The following NRG3 variants were observed in gnomAD, a reference collection of about 807,000 sequenced individuals.
NRG3 encodes the protein pro-neuregulin-3, membrane-bound isoform.
A neutral mutation model predicts 66.9 loss-of-function variants in NRG3; 31 were observed. The ratio of observed to expected loss-of-function variants is 0.46; its 90% CI spans 0.35 to 0.63. The LOEUF is 0.63. Ranked by LOEUF, NRG3 falls within the 20% of genes least tolerant of loss-of-function variation. The pLI, the probability that NRG3 is intolerant of heterozygous loss-of-function variation, is 0.00. For missense variants in NRG3, 910 were observed against 878.9 expected (o/e 1.04, Z -0.45); for synonymous variants, 393 against 359.4 (o/e 1.09, Z -1.06).
intron 4 of NRG3, among the ~76,000 whole-genome samples, chr10:82,908,549 C>A (rs868317589): frequency 4.6e-5 from 7 of 152,194 alleles, no homozygotes; most frequent in Non-Finnish European, 8.8e-5. Flanking sequence ...GTAATTACTA[C>A]TCAACCCTGA....
intron 3 of NRG3, among the ~76,000 whole-genome samples, chr10:82,856,228 A>G (rs77227782): frequency 0.011 from 1,637 of 152,262 alleles, 35 homozygotes; most frequent in African/African-American, 0.038. Flanking sequence ...ATAAATACAT[A>G]TTGAGTGTCC....
At chr10:82,864,761 T>C (rs1476682539) in intron 3 of NRG3, among the ~76,000 whole-genome samples, 1 of 152,160 alleles carries the variant, frequency 6.6e-6, no homozygotes, top group Non-Finnish European at 1.5e-5. Flanking sequence ...TTTGGTAGGA[T>C]GGGCTGTCAA....
intron 4 of NRG3, among the ~76,000 whole-genome samples, chr10:82,887,968 A>G (rs192175132): frequency 6.6e-6 from 1 of 152,372 alleles, no homozygotes; most frequent in Non-Finnish European, 1.5e-5. Flanking sequence ...AGTTACTTTG[A>G]ATAATACACA....
At chr10:82,119,592 C>G in intron 1 of NRG3, among the ~76,000 whole-genome samples, 1 of 152,076 alleles carries the variant, frequency 6.6e-6, no homozygotes, top group African/African-American at 2.4e-5. Flanking sequence ...GTGTTCTTGG[C>G]TACTCACTAC....
intron 1 of NRG3, among the ~76,000 whole-genome samples, chr10:82,308,835 C>A (rs532647359): frequency 3.3e-5 from 5 of 152,092 alleles, no homozygotes. Flanking sequence ...TAGAGCCGTG[C>A]GGTGGGTGGC....
intron 1 of NRG3, among the ~76,000 whole-genome samples, chr10:81,902,908 G>A (rs1038818665): frequency 6.6e-6 from 1 of 152,082 alleles, no homozygotes; most frequent in Non-Finnish European, 1.5e-5. Context: ...ACTGTATTGA[G>A]CATTTCCTAA....
chr10:82,810,812 G>A (rs933561796), intron 3 of NRG3, among the ~76,000 whole-genome samples: 11 of 151,470 alleles, frequency 7.3e-5, no homozygotes, highest in Non-Finnish European at 1.2e-4. Flanking sequence ...GAACTAGGTC[G>A]CTGGTAATAG....
In NRG3 at chr10:82,662,350, C is replaced by G. The variant is rs545904200; in HGVS notation, c.954-76227C>G. On this transcript the variant is annotated intron_variant, in intron 2 of 8. Coordinates refer to ENST00000372141, the MANE Select transcript of NRG3 (RefSeq NM_001010848.4). ...TTTAAAGTCATCAGCAAGGCTCAAA[C>G]AGACTCTTTTAAAAAAAAAAAAATC... Among the ~76,000 whole-genome samples the G allele has an allele frequency of 4.4e-4, 66 of 150,348 alleles. 1 individual carries two copies. In the South Asian group the frequency reaches 0.014, roughly 31 times the overall value.
intron 2 of NRG3, among the ~76,000 whole-genome samples, chr10:82,382,058 C>T (rs1330494726): frequency 1.3e-5 from 2 of 151,938 alleles, no homozygotes; most frequent in East Asian, 1.9e-4. Context: ...ACACTTTATC[C>T]AAATATAATT....
chr10:82,152,813 T>G (rs2070862489), intron 1 of NRG3, among the ~76,000 whole-genome samples: 1 of 147,226 alleles, frequency 6.8e-6, no homozygotes, highest in Non-Finnish European at 1.5e-5. Flanking sequence ...CTCCCCTCTC[T>G]CTCTCTTTTT....
intron 2 of NRG3, among the ~76,000 whole-genome samples, chr10:82,440,258 A>C (rs994875189): frequency 2.6e-5 from 4 of 151,162 alleles, no homozygotes; most frequent in African/African-American, 9.7e-5. Flanking sequence ...ATTTTTGTAA[A>C]TATCTCCTCT....
intron 2 of NRG3, among the ~76,000 whole-genome samples, chr10:82,486,255 C>T (rs1842667831): frequency 6.6e-6 from 1 of 152,046 alleles, no homozygotes; most frequent in South Asian, 2.1e-4. Context: ...ATGAATGTTC[C>T]TCAAAAAACT....
intron 3 of NRG3, among the ~76,000 whole-genome samples, chr10:82,777,629 C>T (rs1240540065): frequency 6.6e-6 from 1 of 152,050 alleles, no homozygotes; most frequent in Admixed American, 6.6e-5. Context: ...GTAATACTGA[C>T]ATAGCTCTAG....
intron 2 of NRG3, among the ~76,000 whole-genome samples, chr10:82,472,800 T>G (rs555378565): frequency 6.6e-6 from 1 of 152,368 alleles, no homozygotes; most frequent in East Asian, 1.9e-4. Flanking sequence ...CTAAGTGACT[T>G]TGTTGTTTTA....
At chr10:82,265,609 A>G (rs898437814) in intron 1 of NRG3, among the ~76,000 whole-genome samples, 1 of 152,216 alleles carries the variant, frequency 6.6e-6, no homozygotes, top group Non-Finnish European at 1.5e-5. Flanking sequence ...AAGGTAAAAT[A>G]TAGGACATGA....
chr10:82,399,867 C>A (rs555612869), intron 2 of NRG3, among the ~76,000 whole-genome samples: 1 of 152,200 alleles, frequency 6.6e-6, no homozygotes, highest in Admixed American at 6.5e-5. Flanking sequence ...CTAATTGTTT[C>A]CTTTATTTAA....
At chr10:82,452,975 C>T (rs958243903) in intron 2 of NRG3, among the ~76,000 whole-genome samples, 1 of 152,102 alleles carries the variant, frequency 6.6e-6, no homozygotes, top group Non-Finnish European at 1.5e-5. Context: ...ATAATGTAGT[C>T]CCTGGCTCAG....
chr10:82,610,051 C>T (rs2048211821), intron 2 of NRG3, among the ~76,000 whole-genome samples: 1 of 152,166 alleles, frequency 6.6e-6, no homozygotes. Flanking sequence ...TTCCTGATGG[C>T]TGCAGGGCTG....
chr10:82,711,710 T>G (rs973655903), intron 2 of NRG3, among the ~76,000 whole-genome samples: 2 of 152,184 alleles, frequency 1.3e-5, no homozygotes, highest in Non-Finnish European at 2.9e-5. Flanking sequence ...GACGATTTGA[T>G]TTCCTCTGTT....
Sources: gnomAD v4.1 joint callset for allele counts (sites outside exome capture counted in the v4.1 genomes callset) on GRCh38, gnomAD v4.1.1 for gene constraint, MANE v1.5 for transcripts, NCBI Gene and HGNC (gene_info 2026-07-23, HGNC 2026-07-21) for gene names.